FBN2: variants seen among roughly 807,000 people sequenced by gnomAD.
FBN2 encodes the protein fibrillin-2.
In FBN2, 105 loss-of-function variants were observed where a neutral mutation model predicts 355.6. The ratio of observed to expected loss-of-function variants is 0.30; its 90% CI spans 0.25 to 0.35. The LOEUF is 0.35. FBN2 is among the 10% of genes least tolerant of loss of function. The pLI is 1.00. For missense variants in FBN2, 3,280 were observed against 3,758.7 expected (o/e 0.87, Z 3.33); for synonymous variants, 1,350 against 1,301.2 (o/e 1.04, Z -0.81).
At chr5:128,280,114 T>TA (rs1765495701) in intron 56 of FBN2, 78 bp downstream of exon 56, 3 of 1,167,696 alleles carry the variant, frequency 2.6e-6, no homozygotes, top group Admixed American at 1.7e-5. Context: ...CAAGAATATA[T>TA]ATGTGGAGCT....
At chr5:128,313,870 A>C (rs907290314) in intron 36 of FBN2, among the ~76,000 whole-genome samples, 2 of 151,280 alleles carry the variant, frequency 1.3e-5, no homozygotes, top group Non-Finnish European at 1.5e-5. Context: ...AAAAAAAAAA[A>C]AAAAAACATA....
intron 8 of FBN2, among the ~76,000 whole-genome samples, chr5:128,407,789 T>C (rs1487117792): frequency 6.6e-6 from 1 of 152,170 alleles, no homozygotes; most frequent in Admixed American, 6.5e-5. Context: ...CTCAGTTCTC[T>C]TGGGCACATG....
In FBN2 at chr5:128,261,808, C is replaced by T. The variant is rs753191500; in HGVS notation, c.8292G>A (p.Glu2764=). 6.2e-7 allele frequency: 1 copy of T among 1,614,226 alleles called. No individual in the cohort carries two copies. The highest frequency in any genetic ancestry group is 2.2e-5 in the East Asian group (1 of 44,882). ...TCTTAGAATAGCCGTTGATTTTGCA[C>T]TCGTAGCATGCTTCTGGGGACAGAG... ...ENALSPEACY[E]CKINGYSKKD... is the part of the protein sequence containing the mutation. Residue 2764 remains glutamate, a synonymous_variant, in exon 64 of 65, where the codon GAG becomes GAA. Transcript: ENST00000262464.
chr5:128,487,059 G>A lies in FBN2; in HGVS notation c.629-22138C>T, dbSNP rs569067186. Among the ~76,000 whole-genome samples the A allele has an allele frequency of 1.4e-4, 21 of 152,194 alleles. 2 individuals carry two copies. In the South Asian group the frequency reaches 3.1e-3, roughly 23 times the overall value. On this transcript the variant is annotated intron_variant, in intron 5 of 64. Transcript: ENST00000262464. ...TTTTCAGGCACATAGAAAAATGTAC[G>A]TATCTGCCCCCTTTAAAATTAGGTA...
chr5:128,288,550 A>G lies in FBN2; in HGVS notation c.6645T>C (p.Asp2215=). 6.2e-7 allele frequency: 1 copy of G among 1,613,742 alleles called. No individual in the cohort carries two copies. The highest frequency in any genetic ancestry group is 8.5e-7 in the Non-Finnish European group (1 of 1,179,964). The change falls in exon 53 of 65, where the codon GAT becomes GAC. Residue 2215 remains aspartate (D), a synonymous_variant. Coordinates refer to ENST00000262464, the MANE Select transcript of FBN2 (RefSeq NM_001999.4). ...DYTGVRCVDT[D]ECSIGNPCGN... ...CACACGGATTGCCGATTGAACACTCATCAGTATCTGAAAAAGAAGAATAAG... is the reference window on the plus strand; with the variant it reads ...CACACGGATTGCCGATTGAACACTCGTCAGTATCTGAAAAAGAAGAATAAG...
chr5:128,471,581 C>CA (rs1754860823), intron 5 of FBN2, among the ~76,000 whole-genome samples: 1 of 152,016 alleles, frequency 6.6e-6, no homozygotes, highest in Admixed American at 6.6e-5. Flanking sequence ...GAGATCTGTG[C>CA]AAATATTATG....
At chr5:128,303,477 A>G (rs1235010841) in intron 45 of FBN2, among the ~76,000 whole-genome samples, 1 of 152,236 alleles carries the variant, frequency 6.6e-6, no homozygotes, top group East Asian at 1.9e-4. Flanking sequence ...CCAGAAATTT[A>G]AATCCCTTAA....
chr5:128,264,361 C>T lies in FBN2; in HGVS notation c.7961-705G>A, dbSNP rs562136340. Reference sequence around the variant, plus strand: ...CGAACAACTAGTTCAGTTTAAAATGCTTGAGAACCCATTGGGTGCAGACTG... The same window carrying T: ...CGAACAACTAGTTCAGTTTAAAATGTTTGAGAACCCATTGGGTGCAGACTG... On this transcript the variant is annotated intron_variant, in intron 62 of 64. Transcript: ENST00000262464. Among the ~76,000 whole-genome samples, 226 of 152,244 alleles carry T rather than the reference C, an allele frequency of 1.5e-3. 2 individuals carry two copies. In the Middle Eastern group the frequency reaches 0.02, roughly 14 times the overall value.
At chr5:128,314,605 C>G (rs1750151474) in intron 36 of FBN2, among the ~76,000 whole-genome samples, 1 of 152,150 alleles carries the variant, frequency 6.6e-6, no homozygotes, top group Admixed American at 6.5e-5. Flanking sequence ...CGTGAGCCAC[C>G]ACGCCCAGCC....
rs1581226071 is a variant in FBN2 at position 128,338,063 on chromosome 5, C to T, written c.3532G>A (p.Glu1178Lys). The T allele has an allele frequency of 6.2e-7, 1 of 1,614,104 alleles. No individual in the cohort carries two copies. The highest frequency in any genetic ancestry group is 8.5e-7 in the Non-Finnish European group (1 of 1,179,942). The change falls in exon 27 of 65, where the codon GAG becomes AAG. Residue 1178 changes from glutamate to lysine, a missense_variant. Around this residue, in one of 6 missense-constraint regions of FBN2, gnomAD observed 2,284 missense variants for 2,749.5 expected, o/e 0.83. Transcript: ENST00000262464. Reference sequence around the variant, plus strand: ...GGGCAGTCACACTGAAAGCTGCCCTCAGTGTTCACACAGGTGCCACCCCTA... The same window carrying T: ...GGGCAGTCACACTGAAAGCTGCCCTTAGTGTTCACACAGGTGCCACCCCTA... ...LCRGGTCVNTEGSFQCDCPLG... is the reference protein window; with the variant it reads ...LCRGGTCVNTKGSFQCDCPLG...
chr5:128,506,184 T>C (rs1419744308), intron 5 of FBN2, among the ~76,000 whole-genome samples: 1 of 152,216 alleles, frequency 6.6e-6, no homozygotes, highest in Non-Finnish European at 1.5e-5. Context: ...ACTGCTCTAC[T>C]GGACTTCATA....
chr5:128,483,530 G>C (rs1191065058), intron 5 of FBN2, among the ~76,000 whole-genome samples: 1 of 151,768 alleles, frequency 6.6e-6, no homozygotes, highest in Non-Finnish European at 1.5e-5. Flanking sequence ...TCTTGCAAGA[G>C]GCTGACAGTC....
intron 5 of FBN2, among the ~76,000 whole-genome samples, chr5:128,509,473 A>T (rs1373547207): frequency 6.6e-6 from 1 of 151,954 alleles, no homozygotes; most frequent in Non-Finnish European, 1.5e-5. Flanking sequence ...CTTTCCTCCA[A>T]CTTTAGGGAC....
chr5:128,298,540 T>C (rs1161474312), intron 48 of FBN2, among the ~76,000 whole-genome samples: 1 of 152,044 alleles, frequency 6.6e-6, no homozygotes, highest in Non-Finnish European at 1.5e-5. Context: ...TCATTTCTTT[T>C]TATTCTTTTT....
intron 34 of FBN2, among the ~76,000 whole-genome samples, chr5:128,324,252 T>C (rs149440862): frequency 2.9e-4 from 44 of 152,318 alleles, no homozygotes; most frequent in African/African-American, 4.3e-4. Context: ...CCTGGATTCA[T>C]TGATTTTCTT....
chr5:128,388,067 G>C (rs1752414023), intron 11 of FBN2, among the ~76,000 whole-genome samples: 2 of 152,042 alleles, frequency 1.3e-5, no homozygotes, highest in African/African-American at 4.8e-5. Flanking sequence ...GAAATCTTTT[G>C]TTGCACTGAA....
intron 25 of FBN2, among the ~76,000 whole-genome samples, chr5:128,340,086 T>C (rs556577231): frequency 6.6e-6 from 1 of 152,310 alleles, no homozygotes; most frequent in South Asian, 2.1e-4. Context: ...TGCTTATAAC[T>C]AAGATTTTTA....
chr5:128,339,954 C>A lies in FBN2; in HGVS notation c.3344-893G>T, dbSNP rs375727053. Among the ~76,000 whole-genome samples, 2 of 152,184 alleles carry A rather than the reference C, an allele frequency of 1.3e-5. 1 individual carries two copies. The highest frequency in any genetic ancestry group is 4.1e-4 in the South Asian group (2 of 4,822). ...ATTGATTTAGTAAGCCCTTTGGTGA[C>A]ATGAGCTGTCACCAACACCTGAGGA... is the stretch of plus-strand genomic sequence containing the variant. On this transcript the variant is annotated intron_variant, in intron 25 of 64. Coordinates refer to ENST00000262464, the MANE Select transcript of FBN2 (RefSeq NM_001999.4).
chr5:128,264,416 A>T (rs1225925378), intron 62 of FBN2, among the ~76,000 whole-genome samples: 4 of 152,230 alleles, frequency 2.6e-5, no homozygotes, highest in Admixed American at 6.5e-5. Flanking sequence ...GCATCCAGCC[A>T]TCAGCCAGCT....
Sources: allele counts gnomAD v4.1 joint callset (sites outside exome capture counted in the v4.1 genomes callset), GRCh38; gene constraint gnomAD v4.1.1; regional missense constraint gnomAD v4.1.1; transcripts MANE v1.5; gene names NCBI Gene and HGNC (gene_info 2026-07-23, HGNC 2026-07-21).